Variants in PEX14 observed in about 807,000 individuals in gnomAD.
PEX14 encodes the protein peroxisomal membrane protein PEX14.
A neutral mutation model predicts 49.5 loss-of-function variants in PEX14; 15 were observed. That is an observed-to-expected ratio of 0.30 (90% CI 0.20 to 0.47). The LOEUF is 0.47. Ranked by LOEUF, PEX14 falls within the 20% of genes least tolerant of loss-of-function variation. The probability of loss-of-function intolerance (pLI) is 1.00; values close to 1 mark genes in which losing one functional copy is unlikely to be tolerated. For missense variants in PEX14, 398 were observed against 494.8 expected, an observed-to-expected ratio of 0.80 and a Z score of 1.86; for synonymous variants, 210 against 212.7, an observed-to-expected ratio of 0.99 and a Z score of 0.11.
rs147250511 is a variant in PEX14, at chr1:10,606,880, T to A, written c.298+7514T>A. Among the ~76,000 whole-genome samples, 28 of 152,338 alleles carry A rather than the reference T, an allele frequency of 1.8e-4. No homozygotes were observed. In the East Asian group the frequency reaches 5.2e-3, roughly 28 times the overall value. On this transcript the variant is annotated intron_variant, in intron 4 of 8. Transcript: ENST00000356607. ...TTATTTTTTAAAAGTCTTATTGAGATGTAATTTACGTAAAATAAAATACAC... is the reference window on the plus strand; with the variant it reads ...TTATTTTTTAAAAGTCTTATTGAGAAGTAATTTACGTAAAATAAAATACAC...
chr1:10,499,379 G>A (rs1053122314), intron 2 of PEX14, among the ~76,000 whole-genome samples: 1 of 151,546 alleles, frequency 6.6e-6, no homozygotes, highest in Admixed American at 6.6e-5. Context: ...TTAGGTGTAG[G>A]TTCTTTTTGT....
rs753325274 is a variant in PEX14 at position 10,627,280 on chromosome 1, A to G, written c.594A>G (p.Thr198=). The G allele has an allele frequency of 5.6e-6, 9 of 1,613,228 alleles. No homozygotes were observed. The highest frequency in any genetic ancestry group is 7.6e-6 in the Non-Finnish European group (9 of 1,179,378). The change falls in exon 8 of 9, where the codon ACA becomes ACG. Residue 198 remains threonine (T), a synonymous_variant. Transcript: ENST00000356607. ...AHELAAAKAT[T]STNWILESQN... The stretch of plus-strand genomic sequence containing the variant: ...CTGTGCTCTGCTTTCAGGCCACCAC[A>G]TCCACCAACTGGATCCTGGAGTCCC...
chr1:10,563,869 G>A (rs188405478), intron 3 of PEX14, among the ~76,000 whole-genome samples: 3 of 151,672 alleles, frequency 2.0e-5, no homozygotes, highest in Non-Finnish European at 4.4e-5. Context: ...CCAACATCAC[G>A]CCACTGCACT....
At chr1:10,580,461 G>A (rs939747070) in intron 3 of PEX14, among the ~76,000 whole-genome samples, 1 of 152,152 alleles carries the variant, frequency 6.6e-6, no homozygotes, top group Non-Finnish European at 1.5e-5. Context: ...CTGAGCTCAG[G>A]TGATCCACCT....
chr1:10,476,714 C>G (rs1418553068), intron 1 of PEX14, among the ~76,000 whole-genome samples: 1 of 152,148 alleles, frequency 6.6e-6, no homozygotes, highest in Non-Finnish European at 1.5e-5. Context: ...TGGTCTTAAA[C>G]TCCTGACTTC....
chr1:10,505,247 AT>A (rs1641761323), intron 2 of PEX14, among the ~76,000 whole-genome samples: 1 of 151,904 alleles, frequency 6.6e-6, no homozygotes, highest in Non-Finnish European at 1.5e-5. Flanking sequence ...AGGCAAGAGA[AT>A]TGCTTGAGCC....
At chr1:10,488,930 T>C (rs548470568) in intron 1 of PEX14, among the ~76,000 whole-genome samples, 133 of 152,358 alleles carry the variant, frequency 8.7e-4, no homozygotes, top group Middle Eastern at 3.4e-3. Flanking sequence ...GTTTTTCTTA[T>C]TGTTATTGGT....
intron 1 of PEX14, among the ~76,000 whole-genome samples, chr1:10,483,257 G>C (rs1404744669): frequency 1.3e-5 from 2 of 152,020 alleles, no homozygotes; most frequent in East Asian, 3.9e-4. Context: ...CTGGGCTCAA[G>C]TGATCCTCCT....
At position 10,494,329 on chromosome 1, in the gene PEX14, C is replaced by T. The variant is rs752663736; in HGVS notation, c.37-945C>T. On this transcript the variant is annotated intron_variant, in intron 1 of 8. Coordinates refer to ENST00000356607, the MANE Select transcript of PEX14 (RefSeq NM_004565.3). This position sits in a 1 kb window ranked among gnomAD's most constrained non-coding sequence, Gnocchi z 4.3. ...CGGGAGAATGGAGGCTGCAGGCTGT[C>T]TCCTGGGACACACAGATTTTGCTGC... 4.6e-5 allele frequency among the ~76,000 whole-genome samples: 7 copies of T among 152,210 alleles called. No individual in the cohort carries two copies. Among genetic ancestry groups the T allele is most frequent in the Non-Finnish European group, 8.8e-5 (6 of 68,038 alleles).
intron 3 of PEX14, among the ~76,000 whole-genome samples, chr1:10,542,248 T>A (rs1425427266): frequency 6.6e-6 from 1 of 152,202 alleles, no homozygotes; most frequent in African/African-American, 2.4e-5. Flanking sequence ...TTCTTATGTA[T>A]CATTCCAGAG....
chr1:10,506,281 T>G (rs899927106), intron 2 of PEX14, among the ~76,000 whole-genome samples: 11 of 152,142 alleles, frequency 7.2e-5, no homozygotes, highest in African/African-American at 2.7e-4. Context: ...GTTCTTTTTT[T>G]GTGTGTTTTT....
intron 4 of PEX14, among the ~76,000 whole-genome samples, chr1:10,615,904 G>A (rs143974224): frequency 1.7e-3 from 254 of 152,370 alleles, no homozygotes; most frequent in African/African-American, 5.8e-3. Context: ...GCTGTTGGTG[G>A]TGGGGAAGCC....
intron 1 of PEX14, among the ~76,000 whole-genome samples, chr1:10,477,019 G>A (rs11121576): frequency 0.057 from 8,606 of 152,056 alleles, 838 homozygotes; most frequent in African/African-American, 0.2. Context: ...CAAAGCTGGT[G>A]GAGGTAGGAT....
chr1:10,586,628 CTTTTTTTTTTTTTTTTTT>C (rs35743829), intron 3 of PEX14, among the ~76,000 whole-genome samples: 1 of 93,012 alleles, frequency 1.1e-5, no homozygotes, highest in African/African-American at 3.5e-5. Context: ...AGCCGTTTAC[CTTTTTTTTTTTTTTTTTT>C]TTTTTTTTTT....
rs114391006 is a variant in PEX14, at chr1:10,618,511, G to T, written c.384+94G>T. On this transcript the variant is annotated intron_variant, in intron 5 of 8. Transcript: ENST00000356607. Reference sequence around the variant, plus strand: ...GGTTCCCCTGCATGGAGGCACTGCCGTGCTCTGCCCTGGAGTGTGTTGGCA... The same window carrying T: ...GGTTCCCCTGCATGGAGGCACTGCCTTGCTCTGCCCTGGAGTGTGTTGGCA... The T allele has an allele frequency of 1.9e-3, 1,790 of 965,384 alleles. 19 individuals carry two copies. The African/African-American group carries it at 0.026, about 14-fold the overall frequency. 59.8% of individuals were successfully genotyped at this position (965,384 alleles called of 1,614,324 possible).
At chr1:10,485,627 T>C (rs1316351426) in intron 1 of PEX14, among the ~76,000 whole-genome samples, 1 of 151,446 alleles carries the variant, frequency 6.6e-6, no homozygotes, top group Non-Finnish European at 1.5e-5. Flanking sequence ...CCTAAATATT[T>C]TTTTGTTTTC....
In PEX14 at chr1:10,629,819, C is replaced by T. The variant is rs1641862923; in HGVS notation, c.966C>T (p.Asp322=). The T allele has an allele frequency of 6.3e-7, 1 of 1,594,042 alleles. No individual in the cohort carries two copies. Among genetic ancestry groups the T allele is most frequent in the Non-Finnish European group, 8.6e-7 (1 of 1,165,262 alleles). Residue 322 remains aspartate, a synonymous_variant, in exon 9 of 9, where the codon GAC becomes GAT. Transcript: ENST00000356607. The surrounding 1 kb of genome is among the most constrained non-coding windows in gnomAD (Gnocchi z 8.5). The part of the protein sequence containing the change: ...EVQGEEEKRE[D]KEDEEDEEDD... ...AAGGCGAGGAGGAGAAGAGGGAGGA[C>T]AAGGAGGACGAGGAGGATGAGGAGG...
chr1:10,474,963 A>G lies in PEX14; in HGVS notation c.-4A>G. Reference sequence around the variant, plus strand: ...CGGCGGTTGATTAGTCAGGCCTCAGAAAGATGGCGTCCTCGGAGCAGGCAG... The same window carrying G: ...CGGCGGTTGATTAGTCAGGCCTCAGGAAGATGGCGTCCTCGGAGCAGGCAG... On this transcript the variant is annotated 5_prime_UTR_variant, in exon 1 of 9. Transcript: ENST00000356607. 3 of 1,608,284 alleles carry G rather than the reference A, an allele frequency of 1.9e-6. No homozygotes were observed. The highest frequency in any genetic ancestry group is 2.5e-6 in the Non-Finnish European group (3 of 1,177,642).
At chr1:10,558,551 A>G (rs925727565) in intron 3 of PEX14, among the ~76,000 whole-genome samples, 1 of 152,002 alleles carries the variant, frequency 6.6e-6, no homozygotes, top group Non-Finnish European at 1.5e-5. Flanking sequence ...CCTGACTAAC[A>G]TAGTGAAACC....
Sources: allele counts gnomAD v4.1 joint callset (sites outside exome capture counted in the v4.1 genomes callset), GRCh38; gene constraint gnomAD v4.1.1; non-coding constraint Gnocchi (gnomAD v3.1); transcripts MANE v1.5; gene names NCBI Gene and HGNC (gene_info 2026-07-23, HGNC 2026-07-21).